Variants in PRKN observed in about 807,000 individuals in gnomAD.
PRKN encodes parkin RBR E3 ubiquitin protein ligase.
PRKN carries 56 observed loss-of-function variants against 59.5 expected under a neutral mutation model. The observed-to-expected ratio is 0.94, with a 90% CI of 0.76 to 1.18. The LOEUF is 1.18. Among genes scored for constraint, PRKN ranks in the 50% most tolerant of loss-of-function variants. The probability of loss-of-function intolerance (pLI) is 0.00; values close to 1 mark genes in which losing one functional copy is unlikely to be tolerated. For missense variants in PRKN, 657 were observed against 596.4 expected, an observed-to-expected ratio of 1.10 and a Z score of -1.06; for synonymous variants, 250 against 222.1, an observed-to-expected ratio of 1.13 and a Z score of -1.12.
Position 161,561,763 on chromosome 6 carries a change from A to G in PRKN, c.933+7592T>C, listed in dbSNP as rs1780463309. Among the ~76,000 whole-genome samples the G allele has an allele frequency of 1.3e-5, 2 of 152,204 alleles. No individual in the cohort carries two copies. The highest frequency in any genetic ancestry group is 4.2e-4 in the South Asian group (2 of 4,818). On this transcript the variant is annotated intron_variant, in intron 8 of 11. Coordinates refer to ENST00000366898, the MANE Select transcript of PRKN (RefSeq NM_004562.3). This position sits in a 1 kb window ranked among gnomAD's most constrained non-coding sequence, Gnocchi z 5.0. ...TGTGGAATCCTTCCTGTGAGTGTAA[A>G]ACAAGTTCTGGCCCTTCGATCTTTA...
At chr6:162,535,462 T>A (rs1463212256) in intron 1 of PRKN, among the ~76,000 whole-genome samples, 1 of 152,186 alleles carries the variant, frequency 6.6e-6, no homozygotes, top group Non-Finnish European at 1.5e-5. Context: ...CAAGATCATC[T>A]GTCTCTCAGA....
At chr6:161,762,423 C>T (rs1789239813) in intron 7 of PRKN, among the ~76,000 whole-genome samples, 1 of 152,096 alleles carries the variant, frequency 6.6e-6, no homozygotes, top group African/African-American at 2.4e-5. Context: ...AGGGTTAAGT[C>T]AGGGTCTTTT....
intron 1 of PRKN, among the ~76,000 whole-genome samples, chr6:162,687,707 G>C (rs1777625037): frequency 1.3e-5 from 2 of 152,218 alleles, no homozygotes; most frequent in Non-Finnish European, 1.5e-5. Context: ...TTGAAGATGT[G>C]TATGTAAATT....
chr6:162,622,176 T>C (rs1169581865), intron 1 of PRKN, among the ~76,000 whole-genome samples: 1 of 152,186 alleles, frequency 6.6e-6, no homozygotes, highest in Non-Finnish European at 1.5e-5. Flanking sequence ...TTTCCATTAT[T>C]TGGTTTAATA....
At chr6:162,380,454 T>C (rs1246535221) in intron 2 of PRKN, among the ~76,000 whole-genome samples, 2 of 86,266 alleles carry the variant, frequency 2.3e-5, no homozygotes, top group Non-Finnish European at 4.1e-5. Flanking sequence ...TATGTATATA[T>C]ACACACATAT....
At chr6:162,107,472 A>G (rs760595487) in intron 4 of PRKN, among the ~76,000 whole-genome samples, 1 of 152,216 alleles carries the variant, frequency 6.6e-6, no homozygotes, top group East Asian at 1.9e-4. Context: ...CTCAAAATAA[A>G]TAAATGAATA....
chr6:162,329,732 A>T (rs1012739567), intron 2 of PRKN, among the ~76,000 whole-genome samples: 2 of 152,166 alleles, frequency 1.3e-5, no homozygotes, highest in African/African-American at 2.4e-5. Flanking sequence ...ATAAAAAAAT[A>T]AAAAAACTCA....
rs1212388574 is a variant in PRKN at position 162,242,156 on chromosome 6, G to A, written c.412+20369C>T. ...TACCACCAAGTTTTACATTGAGTTT[G>A]ACATTCCTGGTATTCAGAGCAAAAT... On this transcript the variant is annotated intron_variant, in intron 3 of 11. Coordinates refer to ENST00000366898, the MANE Select transcript of PRKN (RefSeq NM_004562.3). Among the ~76,000 whole-genome samples the A allele has an allele frequency of 5.3e-5, 8 of 152,076 alleles. No homozygotes were observed. The East Asian group carries it at 1.5e-3, about 29-fold the overall frequency.
chr6:162,220,006 A>G (rs1226712231), intron 3 of PRKN, among the ~76,000 whole-genome samples: 2 of 152,120 alleles, frequency 1.3e-5, no homozygotes, highest in Non-Finnish European at 2.9e-5. Flanking sequence ...AAATTGTTTC[A>G]TCAGCAATGG....
rs549865280 is a variant in PRKN at position 161,563,135 on chromosome 6, G to C, written c.933+6220C>G. 1.1e-4 allele frequency among the ~76,000 whole-genome samples: 17 copies of C among 152,070 alleles called. No individual in the cohort carries two copies. The South Asian group carries it at 3.5e-3, about 32-fold the overall frequency. Reference sequence around the variant, plus strand: ...ATAATGCTAGCTCCTTCAATAGCTGGTGTCCCCTCAACGCTTAGTCTCAGG... The same window carrying C: ...ATAATGCTAGCTCCTTCAATAGCTGCTGTCCCCTCAACGCTTAGTCTCAGG... On this transcript the variant is annotated intron_variant, in intron 8 of 11. Coordinates refer to ENST00000366898, the MANE Select transcript of PRKN (RefSeq NM_004562.3).
rs1464866909 is a variant in PRKN at position 161,356,189 on chromosome 6, C to T, written c.1285+3899G>A. 6.6e-6 allele frequency among the ~76,000 whole-genome samples: 1 copy of T among 152,196 alleles called. No homozygotes were observed. Among genetic ancestry groups the T allele is most frequent in the African/African-American group, 2.4e-5 (1 of 41,458 alleles). Reference sequence around the variant, plus strand: ...GGGCTCAAGGCCATCCACAGGCAGGCCCCCTGCAGAGGGAATGGCAGTGCC... The same window carrying T: ...GGGCTCAAGGCCATCCACAGGCAGGTCCCCTGCAGAGGGAATGGCAGTGCC... On this transcript the variant is annotated intron_variant, in intron 11 of 11. Transcript: ENST00000366898. The surrounding 1 kb of genome is among the most constrained non-coding windows in gnomAD (Gnocchi z 7.8).
At chr6:162,377,429 C>CT (rs1786176480) in intron 2 of PRKN, among the ~76,000 whole-genome samples, 1 of 152,226 alleles carries the variant, frequency 6.6e-6, no homozygotes, top group Non-Finnish European at 1.5e-5. Flanking sequence ...GGCAGATATT[C>CT]TTGGCTGCCT....
chr6:162,562,149 G>A (rs1779872048), intron 1 of PRKN, among the ~76,000 whole-genome samples: 1 of 152,152 alleles, frequency 6.6e-6, no homozygotes, highest in Non-Finnish European at 1.5e-5. Flanking sequence ...TGAGGCCTCT[G>A]TTCTAGGCCC....
Position 161,749,823 on chromosome 6 carries a change from G to A in PRKN, c.871+35949C>T, listed in dbSNP as rs374716310. Among the ~76,000 whole-genome samples the A allele has an allele frequency of 5.3e-4, 81 of 152,068 alleles. 2 individuals carry two copies. In the South Asian group the frequency reaches 0.016, roughly 30 times the overall value. On this transcript the variant is annotated intron_variant, in intron 7 of 11. Coordinates refer to ENST00000366898, the MANE Select transcript of PRKN (RefSeq NM_004562.3). ...GAGCCATAAATTCTCCTTGTACTCC[G>A]TTGCTCCCCACCCACATTCACCCTG...
intron 5 of PRKN, among the ~76,000 whole-genome samples, chr6:162,020,936 C>G (rs945066809): frequency 4.6e-5 from 7 of 151,288 alleles, no homozygotes; most frequent in East Asian, 3.9e-4. Context: ...AACCTCATCT[C>G]TACAAAAAAT....
chr6:161,884,665 C>T (rs1339578638), intron 6 of PRKN, among the ~76,000 whole-genome samples: 1 of 152,160 alleles, frequency 6.6e-6, no homozygotes, highest in Non-Finnish European at 1.5e-5. Context: ...AGTAAATCCA[C>T]TTAGCAGAGA....
intron 2 of PRKN, among the ~76,000 whole-genome samples, chr6:162,318,523 G>A (rs1782843444): frequency 2.0e-5 from 3 of 152,042 alleles, no homozygotes; most frequent in Admixed American, 2.0e-4. Context: ...TTTCAGTTGT[G>A]TGGAACCACC....
intron 7 of PRKN, among the ~76,000 whole-genome samples, chr6:161,569,795 G>T (rs1780801599): frequency 6.6e-6 from 1 of 152,088 alleles, no homozygotes; most frequent in African/African-American, 2.4e-5. Context: ...GTGACCACAG[G>T]CTCTGACTTA....
chr6:161,772,371 T>A (rs999194492), intron 7 of PRKN, among the ~76,000 whole-genome samples: 1 of 152,168 alleles, frequency 6.6e-6, no homozygotes, highest in African/African-American at 2.4e-5. Context: ...CAGACTGTGT[T>A]GCTCAATGTG....
Sources: allele counts gnomAD v4.1 joint callset (sites outside exome capture counted in the v4.1 genomes callset), GRCh38; gene constraint gnomAD v4.1.1; non-coding constraint Gnocchi (gnomAD v3.1); transcripts MANE v1.5; gene names NCBI Gene and HGNC (gene_info 2026-07-23, HGNC 2026-07-21).